CPNE4: variants seen among roughly 807,000 people sequenced by gnomAD.
The protein encoded by CPNE4 is copine-4.
CPNE4 carries 25 observed loss-of-function variants against 67.9 expected under a neutral mutation model. That is an observed-to-expected ratio of 0.37 (90% confidence interval 0.27 to 0.51). CPNE4 has a LOEUF of 0.51. Among genes scored for constraint, CPNE4 ranks in the 20% least tolerant of loss-of-function variants. The probability of loss-of-function intolerance (pLI) is 0.93; values close to 1 mark genes in which losing one functional copy is unlikely to be tolerated. For missense variants in CPNE4, 464 were observed against 690.8 expected (o/e 0.67, Z 3.68); for synonymous variants, 242 against 244.9 (o/e 0.99, Z 0.11).
chr3:131,910,906 A>T (rs887165411), intron 1 of CPNE4, among the ~76,000 whole-genome samples: 1 of 152,140 alleles, frequency 6.6e-6, no homozygotes, highest in African/African-American at 2.4e-5. Context: ...CTCTTGAATC[A>T]ATAGAGATGA....
chr3:131,801,488 C>A (rs1170449477), intron 2 of CPNE4, among the ~76,000 whole-genome samples: 2 of 100,544 alleles, frequency 2.0e-5, no homozygotes, highest in Non-Finnish European at 4.0e-5. Context: ...AATATCACTG[C>A]TGAAGAGTTG....
At chr3:132,027,462 T>C (rs1371949744) in intron 1 of CPNE4, among the ~76,000 whole-genome samples, 1 of 152,158 alleles carries the variant, frequency 6.6e-6, no homozygotes, top group African/African-American at 2.4e-5. Context: ...TCATGAGTGT[T>C]ATTAGTTGCC....
intron 7 of CPNE4, among the ~76,000 whole-genome samples, chr3:131,655,225 A>G (rs1261805486): frequency 6.6e-6 from 1 of 152,234 alleles, no homozygotes; most frequent in Non-Finnish European, 1.5e-5. Context: ...CAGAAATGCA[A>G]GTCTTGGGCC....
At chr3:131,948,830 A>G (rs1447362100) in intron 1 of CPNE4, among the ~76,000 whole-genome samples, 1 of 152,218 alleles carries the variant, frequency 6.6e-6, no homozygotes, top group Non-Finnish European at 1.5e-5. Flanking sequence ...ATGCTTTAGT[A>G]CAGAGAGACT....
chr3:132,035,041 A>G (rs1472904064), upstream of CPNE4: 1 of 985,424 alleles, frequency 1.0e-6, no homozygotes, highest in African/African-American at 1.7e-5. Context: ...GCAACCCGGC[A>G]AGAGACTGGT....
At chr3:131,870,079 G>T (rs1025759662) in intron 2 of CPNE4, among the ~76,000 whole-genome samples, 4 of 152,136 alleles carry the variant, frequency 2.6e-5, no homozygotes, top group African/African-American at 9.7e-5. Context: ...TGACAGCTAA[G>T]CTATGACTTG....
intron 2 of CPNE4, among the ~76,000 whole-genome samples, chr3:131,892,675 AG>A (rs2088162519): frequency 6.6e-6 from 1 of 152,138 alleles, no homozygotes; most frequent in Non-Finnish European, 1.5e-5. Context: ...AGGTAAATTA[AG>A]GCAACAAAAA....
intron 1 of CPNE4, among the ~76,000 whole-genome samples, chr3:132,004,537 G>T (rs1479880261): frequency 6.6e-6 from 1 of 151,924 alleles, no homozygotes; most frequent in Non-Finnish European, 1.5e-5. Context: ...GTATTGTGAA[G>T]ATTTTAACAA....
intron 1 of CPNE4, among the ~76,000 whole-genome samples, chr3:132,024,666 C>T (rs1172656134): frequency 1.3e-5 from 2 of 152,126 alleles, no homozygotes; most frequent in Non-Finnish European, 2.9e-5. Flanking sequence ...ATGTCTGTTT[C>T]GTTCATCCCA....
chr3:131,639,767 T>C (rs1345979225), intron 7 of CPNE4, among the ~76,000 whole-genome samples: 1 of 152,072 alleles, frequency 6.6e-6, no homozygotes, highest in Non-Finnish European at 1.5e-5. Context: ...AACAAAATAC[T>C]AGTGAACCAA....
chr3:131,771,209 A>T (rs1393089337), intron 2 of CPNE4, among the ~76,000 whole-genome samples: 1 of 152,172 alleles, frequency 6.6e-6, no homozygotes, highest in Non-Finnish European at 1.5e-5. Context: ...GAAACAATAA[A>T]AAATCTTTAA....
At chr3:131,999,880 C>T (rs900429835) in intron 1 of CPNE4, among the ~76,000 whole-genome samples, 1 of 151,944 alleles carries the variant, frequency 6.6e-6, no homozygotes. Context: ...ATGCATTTTA[C>T]TGCATGTTTT....
At chr3:132,004,204 A>T (rs2073529113) in intron 1 of CPNE4, among the ~76,000 whole-genome samples, 1 of 152,152 alleles carries the variant, frequency 6.6e-6, no homozygotes, top group Non-Finnish European at 1.5e-5. Context: ...TAAAAAATCC[A>T]TTCTATATCT....
chr3:132,017,697 C>T (rs1428940249), intron 1 of CPNE4: 1 of 152,240 alleles, frequency 6.6e-6, no homozygotes, highest in Non-Finnish European at 1.5e-5. Context: ...TTTCAAGGCT[C>T]AGGGTGTAGA....
intron 2 of CPNE4, among the ~76,000 whole-genome samples, chr3:131,801,391 C>CCAT (rs1553774111): frequency 1.2e-5 from 1 of 84,142 alleles, no homozygotes; most frequent in African/African-American, 4.6e-5. Context: ...ATATATGGTA[C>CCAT]ATATATATAT....
At chr3:131,881,371 T>C (rs1337704706) in intron 2 of CPNE4, among the ~76,000 whole-genome samples, 1 of 152,224 alleles carries the variant, frequency 6.6e-6, no homozygotes, top group Non-Finnish European at 1.5e-5. Context: ...AAGCTGTCCT[T>C]TGTTAAACCT....
chr3:131,978,633 G>A (rs1402464588), intron 1 of CPNE4, among the ~76,000 whole-genome samples: 1 of 132,396 alleles, frequency 7.6e-6, no homozygotes, highest in African/African-American at 2.8e-5. Context: ...TATATCTCTT[G>A]TTAAAGAACC....
At chr3:131,717,874 T>TTTTCTTTTCTTTCTTTC (rs1293126184) in intron 3 of CPNE4, among the ~76,000 whole-genome samples, 12 of 97,034 alleles carry the variant, frequency 1.2e-4, no homozygotes, top group Non-Finnish European at 1.6e-4. Flanking sequence ...TCTTTCTTTC[T>TTTTCTTTTCTTTCTTTC]TTTCTTTCTT....
chr3:131,826,122 C>T (rs2085148174), intron 2 of CPNE4, among the ~76,000 whole-genome samples: 1 of 152,206 alleles, frequency 6.6e-6, no homozygotes, highest in African/African-American at 2.4e-5. Context: ...GAGCACCCCT[C>T]ACCCTGTAAA....
Sources: allele counts gnomAD v4.1 joint callset (sites outside exome capture counted in the v4.1 genomes callset), GRCh38; gene constraint gnomAD v4.1.1; transcripts MANE v1.5; gene names NCBI Gene and HGNC (gene_info 2026-07-23, HGNC 2026-07-21).